BET1L: variants seen among roughly 807,000 people sequenced by gnomAD.
The protein encoded by BET1L is Bet1 golgi vesicular membrane trafficking protein like.
In BET1L, 13 loss-of-function variants were observed where a neutral mutation model predicts 12.6. That is an observed-to-expected ratio of 1.03 (90% CI 0.67 to 1.64). BET1L has a LOEUF of 1.64. Among genes scored for constraint, BET1L ranks in the 40% most tolerant of loss-of-function variants. BET1L has a pLI of 0.00. For synonymous variants in BET1L, 60 were observed against 56.9 expected, an observed-to-expected ratio of 1.05 and a Z score of -0.25; for missense variants, 154 against 150.7, an observed-to-expected ratio of 1.02 and a Z score of -0.11.
chr11:205,101 C>T lies in BET1L; in HGVS notation c.*201G>A. On this transcript the variant is annotated 3_prime_UTR_variant, in exon 4 of 4. Transcript: ENST00000382762. ...TGGGCCTTGGTTTCCCCGAGAGAGT[C>T]CCTTTCACACATGGGACCAGCCAAC... 1.5e-6 allele frequency: 1 copy of T among 681,364 alleles called. No individual in the cohort carries two copies. 42.2% of individuals were successfully genotyped at this position (681,364 alleles called of 1,614,324 possible).
chr11:205,754 AACAACTCTGCCAG>A (rs1001870999), intron 2 of BET1L, 87 bp from the exon 3 acceptor site: 1 of 1,517,378 alleles, frequency 6.6e-7, no homozygotes, highest in Non-Finnish European at 8.8e-7. Flanking sequence ...AAACCCTGCC[AACAACTCTGCCAG>A]ACACAGTGGG....
Position 207,351 on chromosome 11 carries a change from C to T in BET1L, c.-30G>A. ...CCCTGCCCCGGCTCCTCGACGCGGA[C>T]ACCGACGCGGCCACAGCCGCCTCAG... On this transcript the variant is annotated 5_prime_UTR_variant, in exon 1 of 4. Transcript: ENST00000382762. 1 of 1,550,262 alleles carries T rather than the reference C, an allele frequency of 6.5e-7. No individual in the cohort carries two copies. Among genetic ancestry groups the T allele is most frequent in the Non-Finnish European group, 8.7e-7 (1 of 1,155,966 alleles).
chr11:206,363 C>A (rs969219143), intron 1 of BET1L, among the ~76,000 whole-genome samples: 1 of 152,188 alleles, frequency 6.6e-6, no homozygotes, highest in African/African-American at 2.4e-5. Flanking sequence ...ACACTTGCAT[C>A]CAGGGAGGTC....
At chr11:207,259 T>TCGGCC in intron 1 of BET1L, 44 bp downstream of exon 1, 1 of 1,518,700 alleles carries the variant, frequency 6.6e-7, no homozygotes, top group Non-Finnish European at 8.8e-7. Context: ...GGCGTCGGTT[T>TCGGCC]CGGCCCGGCC....
Position 205,213 on chromosome 11 carries a change from T to C in BET1L, c.*89A>G, listed in dbSNP as rs535843882. 4.0e-5 allele frequency: 57 copies of C among 1,433,952 alleles called. 1 individual carries two copies. In the South Asian group the frequency reaches 7.1e-4, roughly 18 times the overall value. The allele number at this position is 1,433,952 out of a possible 1,614,324, so 88.8% of individuals were successfully genotyped here. A position where few individuals can be genotyped will look rare whatever the true frequency, so the allele number is the denominator to read the frequency against. Reference sequence around the variant, plus strand: ...CCACAATTATCATTGCAAAGGAGTATTTTGTAGGTAAGTCCTCTGGAGCCC... The same window carrying C: ...CCACAATTATCATTGCAAAGGAGTACTTTGTAGGTAAGTCCTCTGGAGCCC... On this transcript the variant is annotated 3_prime_UTR_variant, in exon 4 of 4. Coordinates refer to ENST00000382762, the MANE Select transcript of BET1L (RefSeq NM_001098787.2).
Position 204,075 on chromosome 11 carries a change from C to G in BET1L, c.*1227G>C, listed in dbSNP as rs1484462030. On this transcript the variant is annotated 3_prime_UTR_variant, in exon 4 of 4. Coordinates refer to ENST00000382762, the MANE Select transcript of BET1L (RefSeq NM_001098787.2). ...ATTGACAGGACATATGGTGTGGCCACACAGGTGGGGGGACAGTGATCCCAT... is the reference window on the plus strand; with the variant it reads ...ATTGACAGGACATATGGTGTGGCCAGACAGGTGGGGGGACAGTGATCCCAT... 2 of 152,672 alleles carry G rather than the reference C, an allele frequency of 1.3e-5. No homozygotes were observed. The highest frequency in any genetic ancestry group is 4.8e-5 in the African/African-American group (2 of 41,438). 9.5% of individuals were successfully genotyped at this position (152,672 alleles called of 1,614,324 possible). A position where few individuals can be genotyped will look rare whatever the true frequency, so the allele number is the denominator to read the frequency against.
chr11:207,383 C>CCACAGCCGCCTCAGACGTGGT lies in BET1L; in HGVS notation c.-63_-62insACCACGTCTGAGGCGGCTGTG. 2.0e-6 allele frequency: 3 copies of CCACAGCCGCCTCAGACGTGGT among 1,494,174 alleles called. No individual in the cohort carries two copies. The highest frequency in any genetic ancestry group is 2.7e-6 in the Non-Finnish European group (3 of 1,125,962). 92.6% of individuals were successfully genotyped at this position (1,494,174 alleles called of 1,614,324 possible). ...GCGGCCACAGCCGCCTCAGACGTGG[C>CCACAGCCGCCTCAGACGTGGT]GCAGTCGCGGGGAAAGAGCTTCCGG... On this transcript the variant is annotated 5_prime_UTR_variant, in exon 1 of 4. Transcript: ENST00000382762.
chr11:205,059 G>C lies in BET1L; in HGVS notation c.*243C>G. On this transcript the variant is annotated 3_prime_UTR_variant, in exon 4 of 4. Coordinates refer to ENST00000382762, the MANE Select transcript of BET1L (RefSeq NM_001098787.2). ...GCTCTGCCTGGCTCTCTAGCACCTG[G>C]GGGAGGGGGGAGGGGCTGGGCCTTG... 1.9e-6 allele frequency: 1 copy of C among 527,052 alleles called. No individual in the cohort carries two copies. Among genetic ancestry groups the C allele is most frequent in the South Asian group, 2.1e-5 (1 of 47,376 alleles). The allele number at this position is 527,052 out of a possible 1,614,324, so 32.6% of individuals were successfully genotyped here.
Position 206,051 on chromosome 11 carries a change from A to G in BET1L, c.20-8T>C. ...CAGCGCCCGGGCTCTGAGCTGAGAA[A>G]AGAGAGGGGCTGAAGGGTTGCATCC... is the stretch of plus-strand genomic sequence containing the variant. On this transcript the variant is annotated splice_region_variant and splice_polypyrimidine_tract_variant and intron_variant, in intron 1 of 3. Coordinates refer to ENST00000382762, the MANE Select transcript of BET1L (RefSeq NM_001098787.2). 1 of 1,613,056 alleles carries G rather than the reference A, an allele frequency of 6.2e-7. No individual in the cohort carries two copies. Among genetic ancestry groups the G allele is most frequent in the African/African-American group, 1.3e-5 (1 of 75,052 alleles).
rs1855117645 is a variant in BET1L, at chr11:205,085, G to A, written c.*217C>T. 1 of 623,542 alleles carries A rather than the reference G, an allele frequency of 1.6e-6. No individual in the cohort carries two copies. Among genetic ancestry groups the A allele is most frequent in the African/African-American group, 1.8e-5 (1 of 54,354 alleles). The allele number at this position is 623,542 out of a possible 1,614,324, so 38.6% of individuals were successfully genotyped here. A position where few individuals can be genotyped will look rare whatever the true frequency, so the allele number is the denominator to read the frequency against. Reference sequence around the variant, plus strand: ...GGGAGGGGGGAGGGGCTGGGCCTTGGTTTCCCCGAGAGAGTCCCTTTCACA... The same window carrying A: ...GGGAGGGGGGAGGGGCTGGGCCTTGATTTCCCCGAGAGAGTCCCTTTCACA... On this transcript the variant is annotated 3_prime_UTR_variant, in exon 4 of 4. Coordinates refer to ENST00000382762, the MANE Select transcript of BET1L (RefSeq NM_001098787.2).
chr11:207,341 T>TCGACGCGGACAC lies in BET1L; in HGVS notation c.-32_-21dup. Reference sequence around the variant, plus strand: ...CGCCATCGTGCCCTGCCCCGGCTCCTCGACGCGGACACCGACGCGGCCACA... The same window carrying TCGACGCGGACAC: ...CGCCATCGTGCCCTGCCCCGGCTCCTCGACGCGGACACCGACGCGGACACCGACGCGGCCACA... On this transcript the variant is annotated 5_prime_UTR_variant, in exon 1 of 4. Transcript: ENST00000382762. 2 of 1,198,022 alleles carry TCGACGCGGACAC rather than the reference T, an allele frequency of 1.7e-6. No individual in the cohort carries two copies. The highest frequency in any genetic ancestry group is 1.3e-5 in the South Asian group (1 of 76,102). 74.2% of individuals were successfully genotyped at this position (1,198,022 alleles called of 1,614,324 possible). A position where few individuals can be genotyped will look rare whatever the true frequency, so the allele number is the denominator to read the frequency against.
chr11:206,014 G>C lies in BET1L; in HGVS notation c.49C>G (p.Leu17Val). Residue 17 changes from leucine (L) to valine (V), a missense_variant, in exon 2 of 4, where the codon CTA (leucine) becomes GTA (valine). By Grantham distance (32) the Leu-to-Val change is conservative. Transcript: ENST00000382762. ...GCCATTCGCTTGTTCTCCCGGTCTA[G>C]AATCTCTTCCACAGCGCCCGGGCTC... ...AQSPGAVEEI[L>V]DRENKRMADS... 1 of 1,614,026 alleles carries C rather than the reference G, an allele frequency of 6.2e-7. No homozygotes were observed. The highest frequency in any genetic ancestry group is 8.5e-7 in the Non-Finnish European group (1 of 1,180,026).
rs1352242359 is a variant in BET1L, at chr11:205,214, T to A, written c.*88A>T. The A allele has an allele frequency of 7.0e-7, 1 of 1,436,740 alleles. No individual in the cohort carries two copies. The highest frequency in any genetic ancestry group is 1.4e-5 in the African/African-American group (1 of 69,562). 89.0% of individuals were successfully genotyped at this position (1,436,740 alleles called of 1,614,324 possible). A position where few individuals can be genotyped will look rare whatever the true frequency, so the allele number is the denominator to read the frequency against. ...CACAATTATCATTGCAAAGGAGTAT[T>A]TTGTAGGTAAGTCCTCTGGAGCCCA... On this transcript the variant is annotated 3_prime_UTR_variant, in exon 4 of 4. Transcript: ENST00000382762.
Position 205,419 on chromosome 11 carries a change from G to T in BET1L, c.219C>A (p.Arg73=), listed in dbSNP as rs963677427. ...GTCCGGACCTTGCCATTGTGGAAAA[G>T]CGCTTCACGCTCCCTGTAAGCAGGC... ...MTSLLTGSVK[R]FSTMARSGQD... is the part of the protein sequence containing the mutation. Residue 73 remains arginine, a synonymous_variant, in exon 4 of 4, where the codon CGC becomes CGA. Transcript: ENST00000382762. The T allele has an allele frequency of 8.1e-6, 13 of 1,614,110 alleles. No individual in the cohort carries two copies. The African/African-American group carries it at 1.7e-4, about 22-fold the overall frequency.
At chr11:205,844 G>T in intron 2 of BET1L, 108 bp downstream of exon 2, 1 of 1,454,442 alleles carries the variant, frequency 6.9e-7, no homozygotes, top group Non-Finnish European at 9.5e-7. Flanking sequence ...GCCACGAATT[G>T]GATGAGGATG....
At chr11:207,051 G>T (rs534430505) in intron 1 of BET1L, 149 of 513,262 alleles carry the variant, frequency 2.9e-4, no homozygotes, top group African/African-American at 2.8e-3. Context: ...GCGGGGAGTG[G>T]GGAGACCCCG....
chr11:205,610 C>A lies in BET1L; in HGVS notation c.168+1G>T. 6.2e-7 allele frequency: 1 copy of A among 1,613,900 alleles called. No homozygotes were observed. The highest frequency in any genetic ancestry group is 1.7e-4 in the Middle Eastern group (1 of 6,060). ...GATACACGCACACCGTGGGCCCTTA[C>A]CATGCCATCCAGGTACCGGTTCTGA... On this transcript the variant is annotated splice_donor_variant, in intron 3 of 3. Coordinates refer to ENST00000382762, the MANE Select transcript of BET1L (RefSeq NM_001098787.2). LOFTEE classifies it high-confidence loss of function.
Position 206,000 on chromosome 11 carries a change from G to C in BET1L, c.63C>G (p.Asn21Lys), listed in dbSNP as rs758206802. 6.2e-6 allele frequency: 10 copies of C among 1,614,082 alleles called. No homozygotes were observed. Among genetic ancestry groups the C allele is most frequent in the Admixed American group, 3.3e-5 (2 of 60,022 alleles). Residue 21 changes from asparagine to lysine, a missense_variant, in exon 2 of 4, where the codon AAC becomes AAG. Asn to Lys is a moderately conservative substitution (Grantham distance 94, BLOSUM62 0). Coordinates refer to ENST00000382762, the MANE Select transcript of BET1L (RefSeq NM_001098787.2). Reference protein sequence around the residue: ...GAVEEILDRENKRMADSLASK... With the variant: ...GAVEEILDREKKRMADSLASK... ...AGGCCAGGCTGTCAGCCATTCGCTT[G>C]TTCTCCCGGTCTAGAATCTCTTCCA...
At chr11:207,054 A>T in intron 1 of BET1L, 2 of 519,652 alleles carry the variant, frequency 3.8e-6, no homozygotes, top group Non-Finnish European at 6.7e-6. Context: ...GGGAGTGGGG[A>T]GACCCCGCTG....
Sources: gnomAD v4.1 joint callset for allele counts (sites outside exome capture counted in the v4.1 genomes callset) on GRCh38, gnomAD v4.1.1 for gene constraint, MANE v1.5 for transcripts, NCBI Gene and HGNC (gene_info 2026-07-23, HGNC 2026-07-21) for gene names.